ARMC8: variants seen among roughly 807,000 people sequenced by gnomAD.
ARMC8 encodes the protein armadillo repeat-containing protein 8.
A neutral mutation model predicts 99.3 loss-of-function variants in ARMC8; 20 were observed. The observed-to-expected ratio is 0.20, with a 90% confidence interval of 0.14 to 0.29. The LOEUF is 0.29. Ranked by LOEUF, ARMC8 falls within the 10% of genes least tolerant of loss-of-function variation. The pLI, the probability that ARMC8 is intolerant of heterozygous loss-of-function variation, is 1.00. For missense variants in ARMC8, 569 were observed against 809.5 expected (o/e 0.70, Z 3.60); for synonymous variants, 263 against 278.3 (o/e 0.95, Z 0.55).
At chr3:138,269,002 A>C (rs1402773004) in intron 15 of ARMC8, among the ~76,000 whole-genome samples, 4 of 152,186 alleles carry the variant, frequency 2.6e-5, no homozygotes, top group Admixed American at 2.6e-4. Flanking sequence ...TATTAAGCGT[A>C]AAAGGGGCAT....
intron 6 of ARMC8, among the ~76,000 whole-genome samples, chr3:138,232,214 C>T (rs1050386331): frequency 2.0e-5 from 3 of 151,600 alleles, no homozygotes; most frequent in Non-Finnish European, 4.4e-5. Flanking sequence ...GACCTCAAGC[C>T]ATCTGCCTGC....
intron 20 of ARMC8, among the ~76,000 whole-genome samples, chr3:138,289,631 TG>T (rs2050754700): frequency 6.6e-6 from 1 of 152,130 alleles, no homozygotes. Flanking sequence ...TAGAATCACC[TG>T]GGAATTTTTA....
intron 1 of ARMC8, among the ~76,000 whole-genome samples, chr3:138,192,279 T>C (rs906134946): frequency 2.1e-5 from 3 of 144,676 alleles, no homozygotes; most frequent in African/African-American, 7.6e-5. Flanking sequence ...TTTATCCTTT[T>C]TTTTTTTTTT....
chr3:138,267,689 G>A (rs2048399065), intron 15 of ARMC8, among the ~76,000 whole-genome samples: 1 of 152,120 alleles, frequency 6.6e-6, no homozygotes, highest in Non-Finnish European at 1.5e-5. Flanking sequence ...TTGGGGAGGG[G>A]TTGGATGGGG....
Position 138,267,167 on chromosome 3 carries a change from G to T in ARMC8, c.1312G>T (p.Ala438Ser). 6.4e-7 allele frequency: 1 copy of T among 1,565,354 alleles called. No homozygotes were observed. Among genetic ancestry groups the T allele is most frequent in the Non-Finnish European group, 8.7e-7 (1 of 1,151,834 alleles). ...WKPLMKVLQN[A>S]PDEILVVASS... ...TTTAATTCCATAGGTTTTACAAAAT[G>T]CACCAGATGAAATCCTAGTGGTAGC... Residue 438 changes from alanine to serine, a missense_variant, in exon 15 of 22, where the codon GCA becomes TCA. Physicochemically the swap from Ala to Ser is moderately conservative, Grantham distance 99 (BLOSUM62 1). Transcript: ENST00000469044.
intron 12 of ARMC8, among the ~76,000 whole-genome samples, chr3:138,256,859 C>T (rs1024008780): frequency 2.6e-5 from 4 of 152,024 alleles, no homozygotes; most frequent in Admixed American, 6.6e-5. Flanking sequence ...TCCCTGTTTT[C>T]GAAGTCAGAT....
Position 138,209,843 on chromosome 3 carries a change from T to C in ARMC8, c.72T>C (p.Tyr24=), listed in dbSNP as rs1370695901. ...LSEVTASSRH[Y]VDRLFDPDPQ... is the part of the protein sequence containing the mutation. ...AAGTAACAGCTAGCAGTCGCCACTATGTTGACAGGCTATTTGACCCTGATC... is the reference window on the plus strand; with the variant it reads ...AAGTAACAGCTAGCAGTCGCCACTACGTTGACAGGCTATTTGACCCTGATC... Residue 24 remains tyrosine, a synonymous_variant, in exon 2 of 22, where the codon TAT becomes TAC. Coordinates refer to ENST00000469044, the MANE Select transcript of ARMC8 (RefSeq NM_001363941.2). 3 of 1,613,882 alleles carry C rather than the reference T, an allele frequency of 1.9e-6. No homozygotes were observed. The highest frequency in any genetic ancestry group is 2.7e-5 in the African/African-American group (2 of 74,930).
chr3:138,220,111 A>G (rs1037171731), intron 2 of ARMC8, among the ~76,000 whole-genome samples: 2 of 152,196 alleles, frequency 1.3e-5, no homozygotes, highest in African/African-American at 4.8e-5. Flanking sequence ...CATTAAGAGA[A>G]AGGAAGACAA....
At chr3:138,195,888 A>C (rs1456171843) in intron 1 of ARMC8, among the ~76,000 whole-genome samples, 4 of 152,094 alleles carry the variant, frequency 2.6e-5, no homozygotes, top group Middle Eastern at 3.4e-3. Flanking sequence ...TTTTGACCAC[A>C]TTCCCTAATT....
intron 16 of ARMC8, among the ~76,000 whole-genome samples, chr3:138,271,624 A>C (rs1158357769): frequency 6.6e-6 from 1 of 152,174 alleles, no homozygotes; most frequent in Non-Finnish European, 1.5e-5. Flanking sequence ...AAAACCTTAG[A>C]GTCATCTCTG....
At chr3:138,291,158 G>A (rs2050907533) in intron 21 of ARMC8, among the ~76,000 whole-genome samples, 1 of 152,186 alleles carries the variant, frequency 6.6e-6, no homozygotes, top group African/African-American at 2.4e-5. Context: ...TCCTAGCTGT[G>A]TGTTCTCCCT....
chr3:138,212,307 TC>T (rs2044739715), intron 2 of ARMC8, among the ~76,000 whole-genome samples: 1 of 149,122 alleles, frequency 6.7e-6, no homozygotes, highest in Non-Finnish European at 1.5e-5. Context: ...CTTTAAGTAA[TC>T]TTTTTTTTTT....
At chr3:138,190,379 G>A (rs905581900) in intron 1 of ARMC8, among the ~76,000 whole-genome samples, 4 of 148,512 alleles carry the variant, frequency 2.7e-5, no homozygotes, top group African/African-American at 9.9e-5. Context: ...CACCGCCTCC[G>A]GGGTTCAAGC....
At chr3:138,195,052 AT>A (rs1297355980) in intron 1 of ARMC8, among the ~76,000 whole-genome samples, 3 of 152,116 alleles carry the variant, frequency 2.0e-5, no homozygotes, top group Non-Finnish European at 4.4e-5. Flanking sequence ...GGGCAGGTGG[AT>A]CACCTGAGAT....
chr3:138,295,633 A>G (rs906195575), intron 21 of ARMC8, among the ~76,000 whole-genome samples: 5 of 152,248 alleles, frequency 3.3e-5, no homozygotes, highest in African/African-American at 1.2e-4. Flanking sequence ...GTGCAGGAAC[A>G]GCCCTCTGAG....
intron 12 of ARMC8, among the ~76,000 whole-genome samples, chr3:138,258,164 C>G (rs889440159): frequency 6.6e-6 from 1 of 152,132 alleles, no homozygotes; most frequent in Admixed American, 6.5e-5. Context: ...CCTTGACACC[C>G]CCTCAACCCA....
At chr3:138,258,562 C>T (rs2047513562) in intron 12 of ARMC8, among the ~76,000 whole-genome samples, 1 of 152,178 alleles carries the variant, frequency 6.6e-6, no homozygotes, top group African/African-American at 2.4e-5. Flanking sequence ...CTGCATTTTC[C>T]CCATGATCCT....
intron 2 of ARMC8, among the ~76,000 whole-genome samples, chr3:138,213,554 AG>A (rs2044829010): frequency 1.3e-5 from 2 of 152,228 alleles, no homozygotes; most frequent in South Asian, 4.1e-4. Flanking sequence ...GTCACTGTGT[AG>A]GTCATAAAGC....
At chr3:138,262,475 G>T in intron 12 of ARMC8, 1 of 1,552,214 alleles carries the variant, frequency 6.4e-7, no homozygotes, top group Non-Finnish European at 8.7e-7. Context: ...TTCTTGTTTG[G>T]CTGAAACATC....
Sources: allele counts gnomAD v4.1 joint callset (sites outside exome capture counted in the v4.1 genomes callset), GRCh38; gene constraint gnomAD v4.1.1; transcripts MANE v1.5; gene names NCBI Gene and HGNC (gene_info 2026-07-23, HGNC 2026-07-21).